Variants in MACF1 observed in about 807,000 individuals in gnomAD.
MACF1 encodes microtubule actin crosslinking factor 1.
Under a neutral mutation model 854.8 loss-of-function variants are expected in MACF1, and 193 were observed. The ratio of observed to expected loss-of-function variants is 0.23; its 90% confidence interval spans 0.20 to 0.25. The LOEUF is 0.25. Among genes scored for constraint, MACF1 ranks in the 10% least tolerant of loss-of-function variants. The pLI is 1.00. For synonymous variants in MACF1, 3,185 were observed against 3,226.7 expected (o/e 0.99, Z 0.44); for missense variants, 7,722 against 8,929.1 (o/e 0.86, Z 5.45).
intron 49 of MACF1, among the ~76,000 whole-genome samples, chr1:39,367,236 C>T (rs145103044): frequency 8.6e-5 from 13 of 152,042 alleles, no homozygotes; most frequent in Admixed American, 6.5e-4. Context: ...CGTGAGCCAC[C>T]GTGCCTGGCC....
At chr1:39,362,739 A>G (rs1232152065) in intron 49 of MACF1, among the ~76,000 whole-genome samples, 8 of 152,298 alleles carry the variant, frequency 5.3e-5, no homozygotes, top group Middle Eastern at 3.4e-3. Context: ...TTAGTGGGGA[A>G]TGATATTTAG....
intron 62 of MACF1, 58 bp downstream of exon 62, chr1:39,427,672 G>A: frequency 6.5e-7 from 1 of 1,531,794 alleles, no homozygotes; most frequent in Non-Finnish European, 8.9e-7. Flanking sequence ...TCCTAGAAAT[G>A]AGTAAACTGC....
intron 6 of MACF1, chr1:39,268,840 A>G (rs751576094): frequency 9.3e-6 from 12 of 1,289,732 alleles, no homozygotes; most frequent in Non-Finnish European, 1.0e-5. Flanking sequence ...GCATCTCACC[A>G]GGAAGAAACC....
chr1:39,440,104 TTC>T (rs1191960468), intron 72 of MACF1, among the ~76,000 whole-genome samples: 21 of 111,306 alleles, frequency 1.9e-4, no homozygotes, highest in African/African-American at 8.2e-4. Context: ...TTCTTTTCTT[TTC>T]TTTTCTTTTT....
rs778638496 is a variant in MACF1 at position 39,334,241 on chromosome 1, G to A, written c.7653G>A (p.Thr2551=). The A allele has an allele frequency of 7.6e-5, 122 of 1,613,878 alleles. 1 individual carries two copies. Among genetic ancestry groups the A allele is most frequent in the African/African-American group, 1.7e-4 (13 of 74,874 alleles). The change falls in exon 37 of 101, where the codon ACG becomes ACA. Residue 2551 remains threonine, a synonymous_variant. Transcript: ENST00000564288. Reference sequence around the variant, plus strand: ...TCCATCAGATTTTTAATCCTGAAACGAAGGAAAATATTTCCCTCCCTAAAG... The same window carrying A: ...TCCATCAGATTTTTAATCCTGAAACAAAGGAAAATATTTCCCTCCCTAAAG... ...LNIHQIFNPE[T]KENISLPKAI...
rs550394055 is a variant in MACF1 at position 39,197,917 on chromosome 1, G to A, written c.221-33265G>A. Among the ~76,000 whole-genome samples, 6 of 152,288 alleles carry A rather than the reference G, an allele frequency of 3.9e-5. No homozygotes were observed. In the South Asian group the frequency reaches 1.0e-3, roughly 26 times the overall value. On this transcript the variant is annotated intron_variant, in intron 2 of 93. Transcript: ENST00000361689. ...GATGGTTGAGAAATGGTGGACAGAT[G>A]CCAAGTGGAGTGGCTCATGTCTATA... is the stretch of plus-strand genomic sequence containing the variant.
At chr1:39,392,287 G>A (rs1642066079) in intron 58 of MACF1, among the ~76,000 whole-genome samples, 1 of 152,100 alleles carries the variant, frequency 6.6e-6, no homozygotes, top group South Asian at 2.1e-4. Context: ...CCGCATAAAG[G>A]GAAGGTCTTT....
intron 6 of MACF1, among the ~76,000 whole-genome samples, chr1:39,281,862 A>G (rs1170242742): frequency 6.6e-6 from 1 of 152,200 alleles, no homozygotes; most frequent in Non-Finnish European, 1.5e-5. Context: ...AGTTGTATGT[A>G]TGTTTTAAGA....
chr1:39,132,892 C>A (rs977411340), intron 2 of MACF1, among the ~76,000 whole-genome samples: 3 of 152,150 alleles, frequency 2.0e-5, no homozygotes, highest in Non-Finnish European at 2.9e-5. Context: ...TGTTTCGAAT[C>A]CCTTTCCTGG....
At position 39,138,072 on chromosome 1, in the gene MACF1, C is replaced by CAA. The variant is rs1213606775; in HGVS notation, c.220+53656_220+53657dup. Among the ~76,000 whole-genome samples, 480 of 48,116 alleles carry CAA rather than the reference C, an allele frequency of 1.0e-2. 7 individuals carry two copies. Among genetic ancestry groups the CAA allele is most frequent in the East Asian group, 0.019 (33 of 1,720 alleles). 31.6% of individuals were successfully genotyped at this position (48,116 alleles called of 152,430 possible). On this transcript the variant is annotated intron_variant, in intron 2 of 93. Coordinates refer to the MACF1 transcript ENST00000361689. ...CTGGGTAACAGTCGAGACTCCATCT[C>CAA]AAAAAAAAAAAAAAAAAAAAAAAGT...
intron 2 of MACF1, among the ~76,000 whole-genome samples, chr1:39,119,825 G>A (rs1357896456): frequency 6.7e-6 from 1 of 148,328 alleles, no homozygotes; most frequent in African/African-American, 2.5e-5. Flanking sequence ...AGTTTAAAGT[G>A]TTGCTATCAG....
At chr1:39,291,499 A>T (rs1417671022) in intron 15 of MACF1, among the ~76,000 whole-genome samples, 2 of 152,222 alleles carry the variant, frequency 1.3e-5, no homozygotes, top group Admixed American at 1.3e-4. Flanking sequence ...TCCATTGGCC[A>T]GTAGTTGATG....
At chr1:39,293,427 A>G (rs1001176977) in intron 17 of MACF1, 31 bp from the exon 18 acceptor site, 1 of 1,579,828 alleles carries the variant, frequency 6.3e-7, no homozygotes, top group African/African-American at 1.4e-5. Context: ...AAAGGCTGCC[A>G]GTCTAATCTT....
At chr1:39,107,609 T>C (rs1353639907) in intron 2 of MACF1, among the ~76,000 whole-genome samples, 1 of 152,190 alleles carries the variant, frequency 6.6e-6, no homozygotes, top group Non-Finnish European at 1.5e-5. Flanking sequence ...CTTATGGAAT[T>C]CCTGCATTTT....
intron 2 of MACF1, among the ~76,000 whole-genome samples, chr1:39,113,228 C>A (rs1642457270): frequency 6.6e-6 from 1 of 152,110 alleles, no homozygotes; most frequent in African/African-American, 2.4e-5. Flanking sequence ...CCACTTTCCC[C>A]ATCATAGTAT....
chr1:39,386,763 C>T (rs1050929011), intron 57 of MACF1, among the ~76,000 whole-genome samples: 6 of 151,660 alleles, frequency 4.0e-5, no homozygotes. Context: ...CGAGGTCTTG[C>T]TTTGTTGCCC....
At chr1:39,093,924 G>A (rs574796486) in intron 2 of MACF1, among the ~76,000 whole-genome samples, 6 of 152,076 alleles carry the variant, frequency 3.9e-5, no homozygotes, top group South Asian at 2.1e-4. Flanking sequence ...GATTACAGGC[G>A]TGCGCCACCA....
At position 39,333,529 on chromosome 1, in the gene MACF1, G is replaced by A. The variant is rs374323545; in HGVS notation, c.6941G>A (p.Arg2314Gln). The A allele has an allele frequency of 4.0e-5, 65 of 1,614,046 alleles. No individual in the cohort carries two copies. In the African/African-American group the frequency reaches 7.6e-4, roughly 19 times the overall value. Residue 2314 changes from arginine to glutamine, a missense_variant, in exon 37 of 101, where the codon CGA (arginine) becomes CAA (glutamine). Physicochemically the swap from Arg to Gln is conservative, Grantham distance 43. Around this residue, in one of 15 missense-constraint regions of MACF1, gnomAD observed 1,531 missense variants for 1,601.6 expected, o/e 0.96. Coordinates refer to ENST00000564288, the MANE Select transcript of MACF1 (RefSeq NM_001394062.1). Reference protein sequence around the residue: ...QKLLLNEAISRGIVPSHTAVK... With the variant: ...QKLLLNEAISQGIVPSHTAVK... ...CTCTTACTAAATGAAGCAATATCCC[G>A]AGGCATTGTGCCAAGTCACACTGCC...
chr1:39,258,116 T>A (rs1166775476), intron 6 of MACF1, 88 bp downstream of exon 6: 6 of 1,016,142 alleles, frequency 5.9e-6, no homozygotes, highest in Admixed American at 1.8e-5. Flanking sequence ...GCATTGAGCC[T>A]TCCTTCTCTC....
Sources: allele counts gnomAD v4.1 joint callset (sites outside exome capture counted in the v4.1 genomes callset), GRCh38; gene constraint gnomAD v4.1.1; regional missense constraint gnomAD v4.1.1; transcripts MANE v1.5; gene names NCBI Gene and HGNC (gene_info 2026-07-23, HGNC 2026-07-21).